CXCL13: variants seen among roughly 807,000 people sequenced by gnomAD.
CXCL13 encodes the protein C-X-C motif chemokine ligand 13, also known as C-X-C motif chemokine 13.
Under a neutral mutation model 12.2 loss-of-function variants are expected in CXCL13, and 7 were observed. The observed-to-expected ratio is 0.57, with a 90% CI of 0.33 to 1.07. CXCL13 has a LOEUF of 1.07. Ranked by LOEUF, CXCL13 falls within the 50% of genes least tolerant of loss-of-function variation. The probability of loss-of-function intolerance (pLI) is 0.04; values close to 1 mark genes in which losing one functional copy is unlikely to be tolerated. For missense variants in CXCL13, 113 were observed against 127.4 expected (o/e 0.89, Z 0.55); for synonymous variants, 47 against 42.4 (o/e 1.11, Z -0.42).
intron 1 of CXCL13, among the ~76,000 whole-genome samples, chr4:77,576,979 C>G (rs373257806): frequency 3.0e-4 from 45 of 152,176 alleles, no homozygotes; most frequent in African/African-American, 1.1e-3. Flanking sequence ...ACATCTTAGA[C>G]TAACCCTGCT....
intron 1 of CXCL13, among the ~76,000 whole-genome samples, chr4:77,525,889 C>T (rs1213511461): frequency 6.7e-6 from 1 of 148,766 alleles, no homozygotes; most frequent in Admixed American, 6.7e-5. Context: ...AACTTTTAGG[C>T]AAAGGTAGGC....
intron 1 of CXCL13, among the ~76,000 whole-genome samples, chr4:77,545,014 C>A (rs200758929): frequency 1.3e-5 from 2 of 152,104 alleles, no homozygotes; most frequent in Admixed American, 1.3e-4. Flanking sequence ...ATCCTTTCCC[C>A]ATTTCTTGTT....
intron 1 of CXCL13, among the ~76,000 whole-genome samples, chr4:77,540,763 T>C (rs961352701): frequency 6.6e-6 from 1 of 152,160 alleles, no homozygotes; most frequent in Non-Finnish European, 1.5e-5. Flanking sequence ...TAAAAATTTA[T>C]TTTCTTTTGG....
intron 1 of CXCL13, among the ~76,000 whole-genome samples, chr4:77,571,254 G>T (rs990179611): frequency 8.6e-5 from 13 of 151,870 alleles, no homozygotes; most frequent in Non-Finnish European, 4.4e-5. Context: ...AGCTGCTCTG[G>T]TGGGGACATG....
At chr4:77,513,835 AG>A (rs545353098) in intron 1 of CXCL13, among the ~76,000 whole-genome samples, 31 of 145,426 alleles carry the variant, frequency 2.1e-4, no homozygotes, top group African/African-American at 6.9e-4. Context: ...TTTAAGTTTT[AG>A]GGTACATGTG....
intron 1 of CXCL13, among the ~76,000 whole-genome samples, chr4:77,546,030 G>A (rs1006869876): frequency 4.6e-5 from 7 of 152,146 alleles, no homozygotes; most frequent in African/African-American, 1.4e-4. Flanking sequence ...CATTGGTTCT[G>A]TTTATATGAT....
At chr4:77,572,512 A>G (rs918522924) in intron 1 of CXCL13, among the ~76,000 whole-genome samples, 3 of 151,964 alleles carry the variant, frequency 2.0e-5, no homozygotes, top group African/African-American at 7.3e-5. Context: ...ATCATTAGAG[A>G]ACTGCAAATC....
At chr4:77,596,398 G>A (rs550760648) in intron 1 of CXCL13, among the ~76,000 whole-genome samples, 4 of 152,264 alleles carry the variant, frequency 2.6e-5, no homozygotes, top group Admixed American at 1.3e-4. Flanking sequence ...CAGTCATTTT[G>A]GAAAATAGTA....
At chr4:77,555,768 A>AT (rs1243533999) in intron 1 of CXCL13, among the ~76,000 whole-genome samples, 1 of 152,182 alleles carries the variant, frequency 6.6e-6, no homozygotes, top group Non-Finnish European at 1.5e-5. Flanking sequence ...TATAAAGAAC[A>AT]TTTACAACTT....
intron 1 of CXCL13, among the ~76,000 whole-genome samples, chr4:77,536,162 G>T (rs1457124936): frequency 1.3e-5 from 2 of 152,154 alleles, no homozygotes; most frequent in Admixed American, 6.6e-5. Context: ...AGGAAATAGA[G>T]TGGAGTGTGG....
intron 1 of CXCL13, among the ~76,000 whole-genome samples, chr4:77,539,060 C>T (rs1008456758): frequency 4.6e-4 from 65 of 141,734 alleles, no homozygotes; most frequent in Admixed American, 3.6e-3. Flanking sequence ...CTAATTTGAC[C>T]TTTTTTTTTT....
intron 1 of CXCL13, among the ~76,000 whole-genome samples, chr4:77,517,236 C>T (rs1402738103): frequency 6.6e-6 from 1 of 151,980 alleles, no homozygotes; most frequent in Non-Finnish European, 1.5e-5. Context: ...ACTATGTGGT[C>T]AATTTTGGAA....
chr4:77,533,129 GT>G (rs1724972301), intron 1 of CXCL13, among the ~76,000 whole-genome samples: 1 of 152,140 alleles, frequency 6.6e-6, no homozygotes, highest in Non-Finnish European at 1.5e-5. Context: ...TTAGTTTCCA[GT>G]TTTTCTGCTC....
rs528309324 is a variant in CXCL13 at position 77,516,085 on chromosome 4, G to T, written c.-43+4297G>T. Among the ~76,000 whole-genome samples, 6 of 152,218 alleles carry T rather than the reference G, an allele frequency of 3.9e-5. No individual in the cohort carries two copies. In the East Asian group the frequency reaches 1.2e-3, roughly 29 times the overall value. On this transcript the variant is annotated intron_variant, in intron 1 of 4. Transcript: ENST00000286758. ...GATAATCATGTGGTTTTCGTCTTTG[G>T]TTCTGTTTATATGCTGGATTACATT...
intron 1 of CXCL13, among the ~76,000 whole-genome samples, chr4:77,537,714 A>G (rs1487783483): frequency 6.6e-6 from 1 of 152,058 alleles, no homozygotes; most frequent in Non-Finnish European, 1.5e-5. Flanking sequence ...GTTTTTGTGC[A>G]TGTGTGATAA....
At chr4:77,574,696 C>T (rs979288479) in intron 1 of CXCL13, among the ~76,000 whole-genome samples, 1 of 152,038 alleles carries the variant, frequency 6.6e-6, no homozygotes, top group East Asian at 1.9e-4. Context: ...CTTGGAGGAA[C>T]ATTCTTGCAA....
intron 1 of CXCL13, among the ~76,000 whole-genome samples, chr4:77,570,662 GAGGGAGAGGCGCGAGC>G (rs982171816): frequency 1.3e-5 from 2 of 152,218 alleles, no homozygotes; most frequent in Non-Finnish European, 2.9e-5. Flanking sequence ...GGGAGGTGTG[GAGGGAGAGGCGCGAGC>G]AGGAACTGGG....
chr4:77,514,947 G>A (rs376650348), intron 1 of CXCL13, among the ~76,000 whole-genome samples: 8 of 152,068 alleles, frequency 5.3e-5, no homozygotes, highest in East Asian at 1.9e-4. Context: ...TAGGTCTAAC[G>A]TTTAAGTCTT....
intron 1 of CXCL13, among the ~76,000 whole-genome samples, chr4:77,596,392 C>T (rs1287319130): frequency 1.3e-5 from 2 of 152,160 alleles, no homozygotes; most frequent in Non-Finnish European, 1.5e-5. Flanking sequence ...TTAGTACAGT[C>T]ATTTTGGAAA....
Sources: allele counts gnomAD v4.1 joint callset (sites outside exome capture counted in the v4.1 genomes callset), GRCh38; gene constraint gnomAD v4.1.1; transcripts MANE v1.5; gene names NCBI Gene and HGNC (gene_info 2026-07-23, HGNC 2026-07-21).